The following PAM variants were observed in gnomAD, a reference collection of about 807,000 sequenced individuals.
The protein encoded by PAM is peptidylglycine alpha-amidating monooxygenase, also known as peptidyl-glycine alpha-amidating monooxygenase.
A neutral mutation model predicts 122.1 loss-of-function variants in PAM; 72 were observed. The ratio of observed to expected loss-of-function variants is 0.59; its 90% CI spans 0.49 to 0.72. The LOEUF (loss-of-function observed/expected upper bound fraction) is 0.72, where lower values mean the gene tolerates loss of function less well. Ranked by LOEUF, PAM falls within the 30% of genes least tolerant of loss-of-function variation. PAM has a pLI of 0.00. For missense variants in PAM, 1,106 were observed against 1,183.7 expected (o/e 0.93, Z 0.96); for synonymous variants, 389 against 404.4 (o/e 0.96, Z 0.46).
At chr5:102,935,537 G>A (rs953759121) in intron 7 of PAM, among the ~76,000 whole-genome samples, 1 of 151,958 alleles carries the variant, frequency 6.6e-6, no homozygotes, top group Non-Finnish European at 1.5e-5. Flanking sequence ...GCTACTGCAG[G>A]GCAGATATCT....
At chr5:102,871,220 C>T (rs538451814) in intron 3 of PAM, among the ~76,000 whole-genome samples, 1 of 152,128 alleles carries the variant, frequency 6.6e-6, no homozygotes, top group African/African-American at 2.4e-5. Context: ...GTTTATTATC[C>T]CACACTACCA....
chr5:102,897,286 G>T (rs987727138), intron 3 of PAM, among the ~76,000 whole-genome samples: 1 of 151,410 alleles, frequency 6.6e-6, no homozygotes, highest in Non-Finnish European at 1.5e-5. Context: ...ACACAATCAG[G>T]GGTTGGTATA....
intron 3 of PAM, among the ~76,000 whole-genome samples, chr5:102,893,854 T>C (rs1169013347): frequency 1.3e-5 from 2 of 151,824 alleles, no homozygotes; most frequent in African/African-American, 2.4e-5. Context: ...TAATTTTCCT[T>C]ACCTTATTTT....
intron 1 of PAM, among the ~76,000 whole-genome samples, chr5:102,799,322 T>G (rs909075319): frequency 6.6e-6 from 1 of 152,194 alleles, no homozygotes. Context: ...GTGATGATTG[T>G]ACAAGACATT....
intron 24 of PAM, among the ~76,000 whole-genome samples, chr5:103,027,069 G>A (rs1321680099): frequency 6.6e-6 from 1 of 152,124 alleles, no homozygotes; most frequent in Non-Finnish European, 1.5e-5. Flanking sequence ...TTCATATGTA[G>A]TAGTAGTAGA....
At position 102,955,583 on chromosome 5, in the gene PAM, A is replaced by G. The variant is rs375747173; in HGVS notation, c.906-4292A>G. On this transcript the variant is annotated intron_variant, in intron 12 of 25. Transcript: ENST00000438793. ...AGCTATTTATATTAAGTATGCCAGTATAAAACAGGAAGTTATCACATAAGC... is the reference window on the plus strand; with the variant it reads ...AGCTATTTATATTAAGTATGCCAGTGTAAAACAGGAAGTTATCACATAAGC... Among the ~76,000 whole-genome samples, 6 of 152,250 alleles carry G rather than the reference A, an allele frequency of 3.9e-5. 1 individual carries two copies. In the South Asian group the frequency reaches 1.2e-3, roughly 32 times the overall value.
At chr5:102,789,867 C>A (rs573313648) in intron 1 of PAM, among the ~76,000 whole-genome samples, 7 of 152,130 alleles carry the variant, frequency 4.6e-5, no homozygotes, top group African/African-American at 1.7e-4. Context: ...AAAATGCTTC[C>A]AGTCCTTTAG....
intron 3 of PAM, among the ~76,000 whole-genome samples, chr5:102,874,815 G>A (rs1449355323): frequency 6.6e-6 from 1 of 151,732 alleles, no homozygotes; most frequent in Non-Finnish European, 1.5e-5. Context: ...TACTATATTG[G>A]GCACTTTACG....
intron 2 of PAM, chr5:102,866,514 C>T: frequency 1.8e-6 from 1 of 545,458 alleles, no homozygotes; most frequent in South Asian, 2.2e-5. Flanking sequence ...ATTTCCAAAA[C>T]TAATCACTCC....
At position 102,833,645 on chromosome 5, in the gene PAM, G is replaced by T. The variant is rs565312244; in HGVS notation, c.-373-32178G>T. ...TACTGTAAAAATAATCTTTTTAGCA[G>T]ATCTTGTTTGTAAGTTTTTAATTTC... On this transcript the variant is annotated intron_variant, in intron 1 of 25. Coordinates refer to ENST00000438793, the MANE Select transcript of PAM (RefSeq NM_001177306.2). 3.9e-5 allele frequency among the ~76,000 whole-genome samples: 6 copies of T among 152,266 alleles called. No individual in the cohort carries two copies. In the South Asian group the frequency reaches 1.2e-3, roughly 32 times the overall value.
At chr5:102,992,650 A>G (rs1774475338) in intron 16 of PAM, among the ~76,000 whole-genome samples, 2 of 152,116 alleles carry the variant, frequency 1.3e-5, no homozygotes, top group African/African-American at 4.8e-5. Flanking sequence ...AGGATTATAC[A>G]AAGAAAAAGT....
At chr5:103,002,846 C>A (rs529179932) in intron 16 of PAM, among the ~76,000 whole-genome samples, 187 bp from the exon 17 acceptor site, 8 of 152,136 alleles carry the variant, frequency 5.3e-5, no homozygotes, top group Non-Finnish European at 1.2e-4. Flanking sequence ...ACTGACCACC[C>A]TGAGTAGCAT....
intron 1 of PAM, among the ~76,000 whole-genome samples, chr5:102,755,695 G>C (rs1460264164): frequency 6.6e-6 from 1 of 151,818 alleles, no homozygotes; most frequent in Non-Finnish European, 1.5e-5. Context: ...CTCTCCCTAG[G>C]GGGTACAATT....
intron 21 of PAM, among the ~76,000 whole-genome samples, chr5:103,012,221 C>A (rs1339777506): frequency 6.6e-6 from 1 of 152,024 alleles, no homozygotes; most frequent in Non-Finnish European, 1.5e-5. Flanking sequence ...GTTGTCTCTT[C>A]ACGTGGTTGA....
chr5:103,028,284 A>C, intron 25 of PAM, 46 bp downstream of exon 25: 2 of 1,298,716 alleles, frequency 1.5e-6, no homozygotes, highest in Non-Finnish European at 2.2e-6. Flanking sequence ...GTTCAAAGTC[A>C]ACAAGCACAT....
At chr5:103,005,935 C>T (rs200497711) in intron 18 of PAM, among the ~76,000 whole-genome samples, 9 of 118,280 alleles carry the variant, frequency 7.6e-5, no homozygotes, top group Admixed American at 1.6e-4. Flanking sequence ...GTTGTTGTTG[C>T]TGTTGTTGTT....
intron 24 of PAM, among the ~76,000 whole-genome samples, chr5:103,027,315 ATTTC>A (rs1169507598): frequency 6.6e-6 from 1 of 152,154 alleles, no homozygotes; most frequent in African/African-American, 2.4e-5. Flanking sequence ...CTTCTTGCCT[ATTTC>A]TTTCCACATC....
chr5:102,805,684 A>G (rs923683806), intron 1 of PAM, among the ~76,000 whole-genome samples: 1 of 152,226 alleles, frequency 6.6e-6, no homozygotes, highest in African/African-American at 2.4e-5. Flanking sequence ...TATCAATTCA[A>G]GAAATAGTTT....
intron 1 of PAM, among the ~76,000 whole-genome samples, chr5:102,786,434 C>A (rs554114193): frequency 6.6e-6 from 1 of 152,122 alleles, no homozygotes; most frequent in Non-Finnish European, 1.5e-5. Context: ...TTATTAATAT[C>A]AATTTTTTAT....
Sources: allele counts gnomAD v4.1 joint callset (sites outside exome capture counted in the v4.1 genomes callset), GRCh38; gene constraint gnomAD v4.1.1; transcripts MANE v1.5; gene names NCBI Gene and HGNC (gene_info 2026-07-23, HGNC 2026-07-21).